MBNL1: variants seen among roughly 807,000 people sequenced by gnomAD.
MBNL1 encodes the protein muscleblind-like protein 1.
A neutral mutation model predicts 42.2 loss-of-function variants in MBNL1; 8 were observed. The observed-to-expected ratio is 0.19, with a 90% CI of 0.11 to 0.34. The LOEUF (loss-of-function observed/expected upper bound fraction) is 0.34, where lower values mean the gene tolerates loss of function less well. Ranked by LOEUF, MBNL1 falls within the 10% of genes least tolerant of loss-of-function variation. MBNL1 has a pLI of 1.00. For synonymous variants in MBNL1, 169 were observed against 173.9 expected, an observed-to-expected ratio of 0.97 and a Z score of 0.22; for missense variants, 309 against 495.3, an observed-to-expected ratio of 0.62 and a Z score of 3.57.
intron 2 of MBNL1, among the ~76,000 whole-genome samples, chr3:152,257,150 G>A (rs2149464048): frequency 1.3e-5 from 2 of 152,276 alleles, no homozygotes; most frequent in South Asian, 4.1e-4. Context: ...CGGTTTTTAA[G>A]TGCGTGTGTG....
chr3:152,389,323 A>T (rs2097574831), intron 2 of MBNL1, among the ~76,000 whole-genome samples: 1 of 152,178 alleles, frequency 6.6e-6, no homozygotes, highest in South Asian at 2.1e-4. Flanking sequence ...CCCTGACCTC[A>T]GGTGATCCAC....
rs563170855 is a variant in MBNL1 at position 152,373,657 on chromosome 3, AC to A, written c.175-41282del. On this transcript the variant is annotated intron_variant, in intron 2 of 9. Coordinates refer to ENST00000324210, the MANE Select transcript of MBNL1 (RefSeq NM_021038.5). Reference sequence around the variant, plus strand: ...GGGCTGCACCCACTGTCTAACCTGTACCAAAGAGATGAGCCAGGTACCTTAG... The same window carrying A: ...GGGCTGCACCCACTGTCTAACCTGTACAAAGAGATGAGCCAGGTACCTTAG... Among the ~76,000 whole-genome samples the A allele has an allele frequency of 9.2e-5, 14 of 152,184 alleles. No homozygotes were observed. In the East Asian group the frequency reaches 2.7e-3, roughly 29 times the overall value.
chr3:152,405,917 A>G (rs1351148925), intron 2 of MBNL1, among the ~76,000 whole-genome samples: 1 of 152,198 alleles, frequency 6.6e-6, no homozygotes, highest in Non-Finnish European at 1.5e-5. Flanking sequence ...TTTCAGCTAC[A>G]AACAGTTTAG....
chr3:152,394,968 G>T (rs1579431953), intron 2 of MBNL1, among the ~76,000 whole-genome samples: 1 of 152,030 alleles, frequency 6.6e-6, no homozygotes, highest in Non-Finnish European at 1.5e-5. Context: ...AAGCGATTCT[G>T]CTGCCTCAGC....
intron 6 of MBNL1, among the ~76,000 whole-genome samples, chr3:152,455,038 A>C (rs987599396): frequency 2.6e-5 from 4 of 152,192 alleles, no homozygotes; most frequent in African/African-American, 9.6e-5. Context: ...AAAGGAATGA[A>C]AATGAATGTT....
At chr3:152,323,777 A>G (rs1280770221) in intron 2 of MBNL1, among the ~76,000 whole-genome samples, 1 of 152,148 alleles carries the variant, frequency 6.6e-6, no homozygotes, top group Admixed American at 6.6e-5. Flanking sequence ...GGGTGGTAGG[A>G]ATTTTTCAGC....
At chr3:152,380,722 T>C (rs985443028) in intron 2 of MBNL1, among the ~76,000 whole-genome samples, 2 of 152,038 alleles carry the variant, frequency 1.3e-5, no homozygotes, top group Admixed American at 6.6e-5. Flanking sequence ...ATTTCCTATA[T>C]TGAGTTTTTT....
In MBNL1 at chr3:152,340,588, A is replaced by C. The variant is rs768093760; in HGVS notation, c.174+40221A>C. On this transcript the variant is annotated intron_variant, in intron 2 of 9. Transcript: ENST00000324210. ...AACTGACAGGATCTGTTCACCATAC[A>C]TACTTCCAAGTTTGGAAACTATCAG... 3.1e-6 allele frequency: 5 copies of C among 1,613,976 alleles called. No homozygotes were observed. The East Asian group carries it at 1.1e-4, about 36-fold the overall frequency.
chr3:152,443,214 A>G (rs2099167853), intron 4 of MBNL1, among the ~76,000 whole-genome samples: 1 of 142,762 alleles, frequency 7.0e-6, no homozygotes, highest in South Asian at 2.4e-4. Context: ...ATGCAAATAC[A>G]TACACACAGA....
chr3:152,419,811 C>G (rs930885374), intron 3 of MBNL1, among the ~76,000 whole-genome samples: 1 of 152,110 alleles, frequency 6.6e-6, no homozygotes, highest in Non-Finnish European at 1.5e-5. Context: ...GCCAAGTGGT[C>G]TTGCTCAGCG....
Position 152,461,003 on chromosome 3 carries a change from C to T in MBNL1, c.*19-1382C>T, listed in dbSNP as rs181758936. On this transcript the variant is annotated intron_variant, in intron 9 of 9. Coordinates refer to ENST00000324210, the MANE Select transcript of MBNL1 (RefSeq NM_021038.5). ...AGCAAAGATGAAGGAGCAGCTGTTC[C>T]CAACAGGATCCGTAAACAAATGAAT... Among the ~76,000 whole-genome samples, 16 of 152,166 alleles carry T rather than the reference C, an allele frequency of 1.1e-4. No homozygotes were observed. In the East Asian group the frequency reaches 1.3e-3, roughly 13 times the overall value.
At chr3:152,287,494 A>G (rs1053356394) in intron 1 of MBNL1, among the ~76,000 whole-genome samples, 3 of 152,160 alleles carry the variant, frequency 2.0e-5, no homozygotes, top group Admixed American at 1.3e-4. Context: ...TTTAGCCTTG[A>G]TTGATTATGG....
At chr3:152,294,673 T>C (rs541038792) in intron 1 of MBNL1, among the ~76,000 whole-genome samples, 1 of 152,224 alleles carries the variant, frequency 6.6e-6, no homozygotes, top group Non-Finnish European at 1.5e-5. Flanking sequence ...TCAGAAGCAA[T>C]GTACCCATTA....
At chr3:152,313,211 G>T (rs2068079313) in intron 2 of MBNL1, among the ~76,000 whole-genome samples, 1 of 151,948 alleles carries the variant, frequency 6.6e-6, no homozygotes, top group South Asian at 2.1e-4. Context: ...CTTTAATAGA[G>T]ACAGGGTTTC....
chr3:152,338,047 TCA>T, intron 2 of MBNL1: 3 of 920,040 alleles, frequency 3.3e-6, no homozygotes, highest in Non-Finnish European at 3.9e-6. Context: ...TAATTTTATG[TCA>T]CTTATTAGAT....
chr3:152,408,569 C>T (rs1421949777), intron 2 of MBNL1, among the ~76,000 whole-genome samples: 1 of 151,804 alleles, frequency 6.6e-6, no homozygotes, highest in Admixed American at 6.6e-5. Context: ...TGTATTTATG[C>T]ATAATTATAC....
chr3:152,395,798 G>C (rs2097904758), intron 2 of MBNL1, among the ~76,000 whole-genome samples: 1 of 152,216 alleles, frequency 6.6e-6, no homozygotes, highest in African/African-American at 2.4e-5. Flanking sequence ...TTTAGCCACT[G>C]TCTGTTGCCT....
intron 2 of MBNL1, among the ~76,000 whole-genome samples, chr3:152,314,935 T>A (rs1369373025): frequency 6.6e-6 from 1 of 152,236 alleles, no homozygotes; most frequent in Non-Finnish European, 1.5e-5. Flanking sequence ...TACAGTTTGA[T>A]TTACTGAGCC....
At chr3:152,259,349 G>A (rs1320311968) in intron 2 of MBNL1, among the ~76,000 whole-genome samples, 4 of 151,956 alleles carry the variant, frequency 2.6e-5, no homozygotes, top group African/African-American at 9.7e-5. Context: ...TCTATTAAAG[G>A]CACTTGATAC....
Sources: allele counts gnomAD v4.1 joint callset (sites outside exome capture counted in the v4.1 genomes callset), GRCh38; gene constraint gnomAD v4.1.1; transcripts MANE v1.5; gene names NCBI Gene and HGNC (gene_info 2026-07-23, HGNC 2026-07-21).